ST6GALNAC3: variants seen among roughly 807,000 people sequenced by gnomAD.
ST6GALNAC3 encodes the protein alpha-N-acetylgalactosaminide alpha-2,6-sialyltransferase 3.
In ST6GALNAC3, 25 loss-of-function variants were observed where a neutral mutation model predicts 32.7. The ratio of observed to expected loss-of-function variants is 0.76; its 90% CI spans 0.56 to 1.07. The LOEUF (loss-of-function observed/expected upper bound fraction) is 1.07. ST6GALNAC3 is among the 50% of genes least tolerant of loss of function. The pLI is 0.00. For synonymous variants in ST6GALNAC3, 129 were observed against 133.1 expected, an observed-to-expected ratio of 0.97 and a Z score of 0.21; for missense variants, 355 against 382.4, an observed-to-expected ratio of 0.93 and a Z score of 0.60.
rs527814995 is a variant in ST6GALNAC3, at chr1:76,556,617, G to C, written c.624-70835G>C. On this transcript the variant is annotated intron_variant, in intron 3 of 4. Transcript: ENST00000328299. The stretch of plus-strand genomic sequence containing the variant: ...ATTATGGCTTTGGTTGCATTTCCTA[G>C]TTGGCTAATAATGTTGAGCATCTTT... Among the ~76,000 whole-genome samples the C allele has an allele frequency of 2.0e-5, 3 of 152,148 alleles. No individual in the cohort carries two copies. In the East Asian group the frequency reaches 5.8e-4, roughly 29 times the overall value.
At chr1:76,242,202 C>A (rs1657003487) in intron 1 of ST6GALNAC3, among the ~76,000 whole-genome samples, 1 of 151,906 alleles carries the variant, frequency 6.6e-6, no homozygotes, top group Non-Finnish European at 1.5e-5. Flanking sequence ...ATTTTGTTTC[C>A]TCTTTTAAAT....
intron 3 of ST6GALNAC3, among the ~76,000 whole-genome samples, chr1:76,479,866 T>G (rs1659609022): frequency 6.6e-6 from 1 of 151,846 alleles, no homozygotes. Context: ...GTAATTAAGA[T>G]TTGCTAAACT....
At chr1:76,585,523 A>G (rs1007811289) in intron 3 of ST6GALNAC3, among the ~76,000 whole-genome samples, 5 of 152,202 alleles carry the variant, frequency 3.3e-5, no homozygotes, top group African/African-American at 1.2e-4. Context: ...CTAAGCGCAG[A>G]CACCACCTCC....
chr1:76,268,010 A>C (rs2100747357), intron 1 of ST6GALNAC3, among the ~76,000 whole-genome samples: 1 of 152,368 alleles, frequency 6.6e-6, no homozygotes, highest in African/African-American at 2.4e-5. Flanking sequence ...TTGTCTGGAA[A>C]GAGTCCGTTC....
At chr1:76,137,990 G>A (rs1221820584) in intron 1 of ST6GALNAC3, among the ~76,000 whole-genome samples, 1 of 152,170 alleles carries the variant, frequency 6.6e-6, no homozygotes, top group Non-Finnish European at 1.5e-5. Context: ...CCTTCATTCT[G>A]TTGTGGTAAA....
chr1:76,109,115 G>C (rs1647746141), intron 1 of ST6GALNAC3, among the ~76,000 whole-genome samples: 1 of 152,158 alleles, frequency 6.6e-6, no homozygotes, highest in Admixed American at 6.5e-5. Flanking sequence ...TCCTAGAATA[G>C]AGGAAGAGAA....
At chr1:76,141,544 A>T (rs1477523901) in intron 1 of ST6GALNAC3, among the ~76,000 whole-genome samples, 4 of 152,148 alleles carry the variant, frequency 2.6e-5, no homozygotes, top group Admixed American at 6.5e-5. Flanking sequence ...GTTTTTTTTT[A>T]AAAAGTGAAA....
At chr1:76,554,266 T>C (rs1664792868) in intron 3 of ST6GALNAC3, among the ~76,000 whole-genome samples, 1 of 152,184 alleles carries the variant, frequency 6.6e-6, no homozygotes, top group Non-Finnish European at 1.5e-5. Flanking sequence ...ACTGTCTCCA[T>C]ATTTGACAGA....
At chr1:76,183,872 A>ATATG (rs1218074769) in intron 1 of ST6GALNAC3, among the ~76,000 whole-genome samples, 1 of 145,498 alleles carries the variant, frequency 6.9e-6, no homozygotes, top group Non-Finnish European at 1.5e-5. Flanking sequence ...ATATATATAT[A>ATATG]TGTATGTTAC....
intron 2 of ST6GALNAC3, among the ~76,000 whole-genome samples, chr1:76,323,020 A>G (rs1646999210): frequency 6.6e-6 from 1 of 152,094 alleles, no homozygotes; most frequent in Non-Finnish European, 1.5e-5. Context: ...TGTATTTTGT[A>G]AAAATACAAA....
intron 1 of ST6GALNAC3, among the ~76,000 whole-genome samples, chr1:76,256,894 A>G (rs968852060): frequency 1.3e-5 from 2 of 152,166 alleles, no homozygotes; most frequent in African/African-American, 4.8e-5. Flanking sequence ...AGTACTTTGG[A>G]TACCCTGTCC....
At chr1:76,359,800 C>G (rs1235649146) in intron 2 of ST6GALNAC3, among the ~76,000 whole-genome samples, 3 of 152,120 alleles carry the variant, frequency 2.0e-5, no homozygotes, top group East Asian at 3.9e-4. Flanking sequence ...GATTAGAGAA[C>G]TAATTTGCAA....
intron 1 of ST6GALNAC3, among the ~76,000 whole-genome samples, chr1:76,233,257 G>A (rs188883678): frequency 4.6e-5 from 7 of 152,264 alleles, no homozygotes; most frequent in African/African-American, 1.4e-4. Flanking sequence ...TTCACATTAA[G>A]AGAGTTATAA....
chr1:76,405,733 G>A (rs1265891569), intron 2 of ST6GALNAC3, among the ~76,000 whole-genome samples: 5 of 151,712 alleles, frequency 3.3e-5, no homozygotes, highest in Non-Finnish European at 7.4e-5. Context: ...TGCCAGTCAG[G>A]GTGAATAACC....
At chr1:76,553,675 TA>T (rs1664761127) in intron 3 of ST6GALNAC3, among the ~76,000 whole-genome samples, 2 of 135,350 alleles carry the variant, frequency 1.5e-5, no homozygotes, top group African/African-American at 3.0e-5. Flanking sequence ...GTTTTCTCTC[TA>T]TTTTTACTCG....
At chr1:76,154,562 G>A (rs556653597) in intron 1 of ST6GALNAC3, among the ~76,000 whole-genome samples, 2 of 152,298 alleles carry the variant, frequency 1.3e-5, no homozygotes, top group East Asian at 3.9e-4. Context: ...GTAACCCAGG[G>A]TTTTTGACGC....
At chr1:76,454,567 C>T (rs1470605945) in intron 3 of ST6GALNAC3, among the ~76,000 whole-genome samples, 1 of 152,108 alleles carries the variant, frequency 6.6e-6, no homozygotes, top group Non-Finnish European at 1.5e-5. Flanking sequence ...ATGCAAAATT[C>T]TTGGCTGATA....
At chr1:76,613,965 T>C (rs1003458521) in intron 3 of ST6GALNAC3, among the ~76,000 whole-genome samples, 6 of 152,238 alleles carry the variant, frequency 3.9e-5, no homozygotes, top group Middle Eastern at 3.2e-3. Flanking sequence ...CCTTGGTATA[T>C]CCTTAGACAC....
At chr1:76,303,696 C>T (rs1398570629) in intron 1 of ST6GALNAC3, among the ~76,000 whole-genome samples, 1 of 152,014 alleles carries the variant, frequency 6.6e-6, no homozygotes, top group Admixed American at 6.6e-5. Context: ...TAAGTGTTGT[C>T]AATCTCAGAC....
Sources: gnomAD v4.1 joint callset for allele counts (sites outside exome capture counted in the v4.1 genomes callset) on GRCh38, gnomAD v4.1.1 for gene constraint, MANE v1.5 for transcripts, NCBI Gene and HGNC (gene_info 2026-07-23, HGNC 2026-07-21) for gene names.